Variants in FGGY observed in about 807,000 individuals in gnomAD.
The protein encoded by FGGY is FGGY carbohydrate kinase domain-containing protein.
In FGGY, 72 loss-of-function variants were observed where a neutral mutation model predicts 71.3. The observed-to-expected ratio is 1.01, with a 90% confidence interval of 0.84 to 1.23. The LOEUF (loss-of-function observed/expected upper bound fraction) is 1.23. Ranked by LOEUF, FGGY falls within the 50% of genes most tolerant of loss-of-function variation. FGGY has a pLI of 0.00. For missense variants in FGGY, 668 were observed against 682.3 expected, an observed-to-expected ratio of 0.98 and a Z score of 0.23; for synonymous variants, 251 against 250.3, an observed-to-expected ratio of 1.00 and a Z score of -0.02.
chr1:59,595,493 AGCCTAGCCAATATG>A (rs2096510846), intron 8 of FGGY, among the ~76,000 whole-genome samples: 1 of 152,196 alleles, frequency 6.6e-6, no homozygotes, highest in Non-Finnish European at 1.5e-5. Context: ...GTTCGAGACC[AGCCTAGCCAATATG>A]GCGAAACCCC....
At chr1:59,609,846 G>A (rs1257521486) in intron 9 of FGGY, among the ~76,000 whole-genome samples, 1 of 152,194 alleles carries the variant, frequency 6.6e-6, no homozygotes, top group Admixed American at 6.5e-5. Context: ...TGTTGTGCCA[G>A]GCTACAGAAA....
At chr1:59,405,639 A>G (rs746032949) in intron 5 of FGGY, among the ~76,000 whole-genome samples, 1 of 152,196 alleles carries the variant, frequency 6.6e-6, no homozygotes, top group East Asian at 1.9e-4. Context: ...GTGTGAGTCT[A>G]TAAGTCCAGG....
intron 7 of FGGY, among the ~76,000 whole-genome samples, chr1:59,518,738 A>T (rs906693152): frequency 6.6e-6 from 1 of 152,104 alleles, no homozygotes; most frequent in Non-Finnish European, 1.5e-5. Context: ...TTTTGCCATG[A>T]TCGTAAGTTT....
At chr1:59,582,858 C>T (rs1385246236) in intron 8 of FGGY, among the ~76,000 whole-genome samples, 2 of 150,254 alleles carry the variant, frequency 1.3e-5, no homozygotes, top group East Asian at 1.9e-4. Flanking sequence ...TAATCACTCA[C>T]TTGGATTCAG....
chr1:59,421,220 T>C (rs1407630517), intron 5 of FGGY, among the ~76,000 whole-genome samples: 3 of 152,266 alleles, frequency 2.0e-5, no homozygotes, highest in East Asian at 1.9e-4. Context: ...GTCACCCTTA[T>C]TTGAACCCTC....
At chr1:59,737,794 A>G (rs1418315585) in intron 14 of FGGY, among the ~76,000 whole-genome samples, 1 of 152,144 alleles carries the variant, frequency 6.6e-6, no homozygotes, top group East Asian at 1.9e-4. Flanking sequence ...ACTTTGAGGG[A>G]CTTTTGGGAA....
chr1:59,542,827 G>A (rs2095465422), intron 7 of FGGY, among the ~76,000 whole-genome samples: 2 of 152,230 alleles, frequency 1.3e-5, no homozygotes, highest in South Asian at 4.1e-4. Context: ...CAGTTCATTT[G>A]CGTGAGGTCA....
At position 59,501,467 on chromosome 1, in the gene FGGY, T is replaced by C. The variant is rs116571544; in HGVS notation, c.671-10844T>C. On this transcript the variant is annotated intron_variant, in intron 6 of 15. Coordinates refer to ENST00000303721, the MANE Select transcript of FGGY (RefSeq NM_018291.5). ...GTAGAAACCACTGCTTTAAACCTTG[T>C]AATATTTTTAGCACAATGACACCTA... Among the ~76,000 whole-genome samples, 467 of 152,294 alleles carry C rather than the reference T, an allele frequency of 3.1e-3. 1 individual carries two copies. Among genetic ancestry groups the C allele is most frequent in the Non-Finnish European group, 5.3e-3 (357 of 67,998 alleles).
At chr1:59,704,796 A>C (rs548151210) in intron 14 of FGGY, among the ~76,000 whole-genome samples, 3 of 151,210 alleles carry the variant, frequency 2.0e-5, no homozygotes, top group South Asian at 4.2e-4. Context: ...AGAGAAATAC[A>C]AAAAAAAAGT....
At chr1:59,467,845 AT>A (rs144483145) in intron 6 of FGGY, among the ~76,000 whole-genome samples, 1,998 of 151,700 alleles carry the variant, frequency 0.013, 56 homozygotes, top group African/African-American at 0.046. Flanking sequence ...TAAGGATTTG[AT>A]TTTTTTTAAG....
chr1:59,594,034 A>G (rs538760696), intron 8 of FGGY, among the ~76,000 whole-genome samples: 2 of 152,318 alleles, frequency 1.3e-5, no homozygotes, highest in Admixed American at 6.5e-5. Context: ...ACTTCTTACA[A>G]CAATTAACAC....
chr1:59,590,902 C>T (rs915126024), intron 8 of FGGY, among the ~76,000 whole-genome samples: 1 of 152,174 alleles, frequency 6.6e-6, no homozygotes, highest in African/African-American at 2.4e-5. Context: ...CCTGTCTCAC[C>T]ACTCCTATTC....
chr1:59,398,439 A>G (rs905068120), intron 5 of FGGY, among the ~76,000 whole-genome samples: 2 of 152,146 alleles, frequency 1.3e-5, no homozygotes, highest in African/African-American at 4.8e-5. Context: ...GTGTTTCACC[A>G]TATTGGCCAG....
intron 6 of FGGY, among the ~76,000 whole-genome samples, chr1:59,466,251 G>C (rs2092619176): frequency 6.6e-6 from 1 of 152,194 alleles, no homozygotes. Flanking sequence ...ACAAGAAATG[G>C]GGAAAGGATT....
chr1:59,309,184 T>A (rs916755146), intron 1 of FGGY, among the ~76,000 whole-genome samples: 2 of 152,212 alleles, frequency 1.3e-5, no homozygotes, highest in Non-Finnish European at 2.9e-5. Context: ...AACAGCCTGT[T>A]TCCCACACTT....
chr1:59,319,325 G>C (rs756663105), intron 1 of FGGY, among the ~76,000 whole-genome samples: 3 of 152,272 alleles, frequency 2.0e-5, no homozygotes, highest in Non-Finnish European at 4.4e-5. Flanking sequence ...TGTTCATTCA[G>C]TAAACATTTA....
chr1:59,626,010 A>C lies in FGGY; in HGVS notation c.1034A>C (p.His345Pro). The change falls in exon 10 of 16, where the codon CAT (histidine) becomes CCT (proline). Residue 345 changes from histidine to proline, a missense_variant. Physicochemically the swap from His to Pro is moderately conservative, Grantham distance 77. Around this residue, in one of 2 missense-constraint regions of FGGY, gnomAD observed 661 missense variants for 661.6 expected, o/e 1.00. Transcript: ENST00000303721. ...CAGATAGACCACATGGTACAAGGCC[A>C]TGCTGCTTTTCCAGAACTACAAGTA... ...GKLIDHMVQG[H>P]AAFPELQVKA... 6.2e-7 allele frequency: 1 copy of C among 1,613,646 alleles called. No individual in the cohort carries two copies. Among genetic ancestry groups the C allele is most frequent in the African/African-American group, 1.3e-5 (1 of 75,056 alleles).
intron 3 of FGGY, among the ~76,000 whole-genome samples, chr1:59,344,845 A>T (rs1169634321): frequency 2.0e-5 from 3 of 152,180 alleles, no homozygotes; most frequent in Admixed American, 6.6e-5. Flanking sequence ...TATATTTTCA[A>T]TCCACGGTTG....
At chr1:59,368,830 G>A (rs1281912403) in intron 4 of FGGY, among the ~76,000 whole-genome samples, 1 of 152,102 alleles carries the variant, frequency 6.6e-6, no homozygotes, top group African/African-American at 2.4e-5. Context: ...GGTGGCTCAC[G>A]CCTGTAATAC....
Sources: gnomAD v4.1 joint callset for allele counts (sites outside exome capture counted in the v4.1 genomes callset) on GRCh38, gnomAD v4.1.1 for gene constraint, gnomAD v4.1.1 regional missense constraint, MANE v1.5 for transcripts, NCBI Gene and HGNC (gene_info 2026-07-23, HGNC 2026-07-21) for gene names.